The following CPED1 variants were observed in gnomAD, a reference collection of about 807,000 sequenced individuals.
CPED1 encodes cadherin-like and PC-esterase domain-containing protein 1.
In CPED1, 114 loss-of-function variants were observed where a neutral mutation model predicts 128.2. That is an observed-to-expected ratio of 0.89 (90% confidence interval 0.76 to 1.04). The LOEUF (loss-of-function observed/expected upper bound fraction) is 1.04. CPED1 is among the 50% of genes least tolerant of loss of function. The pLI is 0.00. For missense variants in CPED1, 1,211 were observed against 1,207.1 expected (o/e 1.00, Z -0.05); for synonymous variants, 462 against 426.7 (o/e 1.08, Z -1.02).
intron 2 of CPED1, among the ~76,000 whole-genome samples, chr7:121,001,228 T>C (rs1791847756): frequency 6.6e-6 from 1 of 152,166 alleles, no homozygotes; most frequent in Admixed American, 6.5e-5. Context: ...GGGATGTGTA[T>C]AATACTTCCT....
At chr7:121,114,848 T>G (rs1454783366) in intron 7 of CPED1, among the ~76,000 whole-genome samples, 1 of 152,230 alleles carries the variant, frequency 6.6e-6, no homozygotes, top group African/African-American at 2.4e-5. Context: ...TAATGCACTT[T>G]TGTAGTAAAA....
At chr7:121,085,962 G>GT (rs1794417647) in intron 5 of CPED1, among the ~76,000 whole-genome samples, 1 of 152,128 alleles carries the variant, frequency 6.6e-6, no homozygotes, top group Non-Finnish European at 1.5e-5. Flanking sequence ...ATATAAAGCC[G>GT]TAACTATTTA....
intron 11 of CPED1, among the ~76,000 whole-genome samples, chr7:121,129,338 T>C (rs983289765): frequency 6.5e-4 from 41 of 63,472 alleles, no homozygotes; most frequent in African/African-American, 1.9e-3. Context: ...TATATATACG[T>C]ATATATATAT....
intron 4 of CPED1, among the ~76,000 whole-genome samples, chr7:121,061,566 A>G (rs1295222578): frequency 1.3e-5 from 2 of 152,204 alleles, no homozygotes; most frequent in African/African-American, 4.8e-5. Flanking sequence ...GGCAGGGAGT[A>G]TATGGGAAAT....
intron 16 of CPED1, among the ~76,000 whole-genome samples, chr7:121,194,022 C>CTCTCTCTATA (rs1484413430): frequency 1.2e-4 from 9 of 74,746 alleles, no homozygotes; most frequent in East Asian, 7.6e-4. Context: ...CTCTCTCTCT[C>CTCTCTCTATA]TATATATATA....
chr7:121,293,857 G>A lies in CPED1; in HGVS notation c.2869-1583G>A, dbSNP rs555468789. 2.6e-5 allele frequency among the ~76,000 whole-genome samples: 4 copies of A among 152,124 alleles called. No homozygotes were observed. The East Asian group carries it at 5.8e-4, about 22-fold the overall frequency. On this transcript the variant is annotated intron_variant, in intron 22 of 22. Transcript: ENST00000310396. ...TGCACCCACTGTCTAACCAGTCCCA[G>A]TGAGATGGACCGGGTACCTCAGTTG...
intron 5 of CPED1, among the ~76,000 whole-genome samples, chr7:121,085,564 A>C (rs1385416089): frequency 6.6e-6 from 1 of 152,164 alleles, no homozygotes; most frequent in Admixed American, 6.5e-5. Context: ...CATACAAAAA[A>C]GTGCCTTTCT....
At chr7:120,991,931 T>A (rs1796316365) in intron 2 of CPED1, among the ~76,000 whole-genome samples, 1 of 152,164 alleles carries the variant, frequency 6.6e-6, no homozygotes, top group Non-Finnish European at 1.5e-5. Flanking sequence ...TGCCAGCCCC[T>A]GGATTAAAGC....
chr7:121,168,558 A>C (rs1248258861), intron 16 of CPED1, among the ~76,000 whole-genome samples: 1 of 152,194 alleles, frequency 6.6e-6, no homozygotes, highest in East Asian at 1.9e-4. Flanking sequence ...GGGATATCCA[A>C]CCCTTCAAGC....
chr7:121,273,264 T>C (rs798909), intron 22 of CPED1, among the ~76,000 whole-genome samples: 11,259 of 152,040 alleles, frequency 0.074, 1,391 homozygotes, highest in African/African-American at 0.25. Flanking sequence ...AGCTCACACC[T>C]GTAATCTCAG....
intron 16 of CPED1, among the ~76,000 whole-genome samples, chr7:121,228,936 A>G (rs909654296): frequency 3.3e-5 from 5 of 152,004 alleles, no homozygotes; most frequent in African/African-American, 1.2e-4. Flanking sequence ...CATTGATCAC[A>G]TGGTGGTAGA....
chr7:121,275,634 G>GCTAC (rs1792315962), intron 22 of CPED1, among the ~76,000 whole-genome samples: 1 of 152,038 alleles, frequency 6.6e-6, no homozygotes, highest in African/African-American at 2.4e-5. Context: ...GGCAAATGTA[G>GCTAC]CTACAGCTTT....
chr7:121,152,400 C>A (rs1235636068), intron 16 of CPED1, among the ~76,000 whole-genome samples: 3 of 152,174 alleles, frequency 2.0e-5, no homozygotes, highest in Non-Finnish European at 4.4e-5. Flanking sequence ...TAAGAAATAA[C>A]AGGGAGGGAG....
Position 121,244,409 on chromosome 7 carries a change from A to G in CPED1, c.2310+71A>G, listed in dbSNP as rs1292583897. 13 of 1,527,900 alleles carry G rather than the reference A, an allele frequency of 8.5e-6. No homozygotes were observed. The Admixed American group carries it at 1.7e-4, about 20-fold the overall frequency. 94.6% of individuals were successfully genotyped at this position (1,527,900 alleles called of 1,614,324 possible). A position where few individuals can be genotyped will look rare whatever the true frequency, so the allele number is the denominator to read the frequency against. ...GAAGTACTAAAAATCGTATAGTTGT[A>G]TCTACTAGACCAATTCCTGCTGTCT... On this transcript the variant is annotated intron_variant, in intron 18 of 22. Coordinates refer to ENST00000310396, the MANE Select transcript of CPED1 (RefSeq NM_024913.5).
intron 16 of CPED1, among the ~76,000 whole-genome samples, chr7:121,218,241 C>T (rs989063552): frequency 9.9e-5 from 15 of 151,316 alleles, no homozygotes; most frequent in South Asian, 2.1e-4. Context: ...GTGATTTGTC[C>T]GTCTTGGACT....
At chr7:121,169,500 A>G (rs771578047) in intron 16 of CPED1, among the ~76,000 whole-genome samples, 3 of 152,200 alleles carry the variant, frequency 2.0e-5, no homozygotes, top group Non-Finnish European at 4.4e-5. Context: ...AAGTTCTGAT[A>G]ATGATTAAAA....
intron 7 of CPED1, among the ~76,000 whole-genome samples, chr7:121,108,789 G>A (rs1054834982): frequency 7.8e-6 from 1 of 127,794 alleles, no homozygotes; most frequent in African/African-American, 2.9e-5. Flanking sequence ...AAATATGTCA[G>A]GGATGTTGGA....
chr7:121,011,032 A>T (rs1279230952), intron 2 of CPED1, among the ~76,000 whole-genome samples: 6 of 152,228 alleles, frequency 3.9e-5, no homozygotes, highest in African/African-American at 9.6e-5. Flanking sequence ...ATAATTCACT[A>T]TGATAGACTC....
At chr7:121,096,734 G>A (rs1228094742) in intron 5 of CPED1, among the ~76,000 whole-genome samples, 9 of 151,750 alleles carry the variant, frequency 5.9e-5, no homozygotes, top group Non-Finnish European at 1.0e-4. Flanking sequence ...ATTTAATGAC[G>A]CACCCTAAGC....
Sources: gnomAD v4.1 joint callset for allele counts (sites outside exome capture counted in the v4.1 genomes callset) on GRCh38, gnomAD v4.1.1 for gene constraint, MANE v1.5 for transcripts, NCBI Gene and HGNC (gene_info 2026-07-23, HGNC 2026-07-21) for gene names.